Variants in GRID1 observed in about 807,000 individuals in gnomAD.
The protein encoded by GRID1 is glutamate ionotropic receptor delta type subunit 1.
A neutral mutation model predicts 98.0 loss-of-function variants in GRID1; 28 were observed. The observed-to-expected ratio is 0.29, with a 90% CI of 0.21 to 0.39. The LOEUF is 0.39. GRID1 is among the 10% of genes least tolerant of loss of function. GRID1 has a pLI of 1.00. For missense variants in GRID1, 1,111 were observed against 1,340.5 expected (o/e 0.83, Z 2.67); for synonymous variants, 553 against 538.5 (o/e 1.03, Z -0.37).
chr10:85,966,632 G>A (rs1258585533), intron 4 of GRID1, among the ~76,000 whole-genome samples: 1 of 152,054 alleles, frequency 6.6e-6, no homozygotes, highest in Non-Finnish European at 1.5e-5. Flanking sequence ...TGACCAACAA[G>A]GCAAAACCCT....
At position 86,059,220 on chromosome 10, in the gene GRID1, G is replaced by A. The variant is rs1379214429; in HGVS notation, c.726+79599C>T. Among the ~76,000 whole-genome samples the A allele has an allele frequency of 2.0e-5, 3 of 152,244 alleles. No individual in the cohort carries two copies. The East Asian group carries it at 5.8e-4, about 29-fold the overall frequency. ...CCACAAGCGTTCTGAGTCTCGCTGT[G>A]TGAGTGGATATCAAGAGGTCTTGCT... On this transcript the variant is annotated intron_variant, in intron 4 of 15. Transcript: ENST00000327946.
chr10:85,956,799 A>C (rs182814097), intron 4 of GRID1, among the ~76,000 whole-genome samples: 254 of 152,362 alleles, frequency 1.7e-3, no homozygotes, highest in African/African-American at 5.4e-3. Context: ...CTTTAGTGCA[A>C]GCAACAGAAA....
intron 4 of GRID1, among the ~76,000 whole-genome samples, chr10:85,980,883 A>G (rs573018706): frequency 6.6e-6 from 1 of 152,212 alleles, no homozygotes; most frequent in Non-Finnish European, 1.5e-5. Context: ...ATACATGAGA[A>G]CAATGAAGCC....
At chr10:85,639,226 T>C (rs964478594) in intron 13 of GRID1, among the ~76,000 whole-genome samples, 2 of 152,064 alleles carry the variant, frequency 1.3e-5, no homozygotes, top group Admixed American at 6.5e-5. Context: ...CAATAGAATA[T>C]CATTCCCACA....
chr10:85,658,709 A>G (rs1840930708), intron 12 of GRID1, among the ~76,000 whole-genome samples: 1 of 152,144 alleles, frequency 6.6e-6, no homozygotes, highest in African/African-American at 2.4e-5. Flanking sequence ...ACTGTGGGCA[A>G]AGAGGGAGGG....
chr10:85,811,888 C>A (rs1261221466), intron 8 of GRID1, among the ~76,000 whole-genome samples: 1 of 152,130 alleles, frequency 6.6e-6, no homozygotes, highest in African/African-American at 2.4e-5. Context: ...CAAACACATC[C>A]TCTCCCACGT....
intron 8 of GRID1, among the ~76,000 whole-genome samples, chr10:85,777,658 A>G (rs757420597): frequency 2.1e-4 from 32 of 152,320 alleles, no homozygotes; most frequent in South Asian, 4.1e-4. Context: ...GAAATTGCCA[A>G]TTTACTTGCT....
chr10:85,621,599 C>T (rs958337331), intron 13 of GRID1, among the ~76,000 whole-genome samples: 2 of 152,130 alleles, frequency 1.3e-5, no homozygotes, highest in Middle Eastern at 3.2e-3. Flanking sequence ...TTTTGCCCAA[C>T]GACCTTGTAA....
At position 85,952,638 on chromosome 10, in the gene GRID1, GA is replaced by G. The variant is rs550903894; in HGVS notation, c.727-36400del. Among the ~76,000 whole-genome samples, 551 of 152,034 alleles carry G rather than the reference GA, an allele frequency of 3.6e-3. 3 individuals carry two copies. The highest frequency in any genetic ancestry group is 5.8e-3 in the Non-Finnish European group (392 of 67,954). On this transcript the variant is annotated intron_variant, in intron 4 of 15. Transcript: ENST00000327946. ...CAAAGAAAGCCTTCTGCCACAAGAG[GA>G]AAAGAGAGAAAAAATAAAGAAAAAG...
chr10:85,668,467 G>A (rs1394976460), intron 12 of GRID1, among the ~76,000 whole-genome samples: 1 of 152,184 alleles, frequency 6.6e-6, no homozygotes, highest in Non-Finnish European at 1.5e-5. Context: ...TTAGTGTGTG[G>A]AGCCAAGAGA....
intron 2 of GRID1, among the ~76,000 whole-genome samples, chr10:86,294,234 T>A (rs758313107): frequency 6.6e-6 from 1 of 151,984 alleles, no homozygotes; most frequent in African/African-American, 2.4e-5. Flanking sequence ...GAGAACAGCA[T>A]AAGGTGGCCC....
chr10:85,672,107 A>G (rs537692872), intron 12 of GRID1, among the ~76,000 whole-genome samples: 1 of 152,364 alleles, frequency 6.6e-6, no homozygotes, highest in South Asian at 2.1e-4. Context: ...AGCTAAGATC[A>G]TTGATATAAG....
chr10:85,869,478 T>A (rs1277213769), intron 5 of GRID1, among the ~76,000 whole-genome samples: 1 of 152,178 alleles, frequency 6.6e-6, no homozygotes, highest in Non-Finnish European at 1.5e-5. Context: ...CCATAAAAGG[T>A]CATGGTAGAC....
intron 4 of GRID1, among the ~76,000 whole-genome samples, chr10:85,965,493 G>A (rs907647538): frequency 8.5e-5 from 13 of 152,150 alleles, no homozygotes; most frequent in African/African-American, 3.1e-4. Flanking sequence ...GCAGGGACAT[G>A]GATGACACTG....
intron 2 of GRID1, among the ~76,000 whole-genome samples, chr10:86,277,458 A>C (rs917582981): frequency 6.6e-6 from 1 of 152,190 alleles, no homozygotes; most frequent in African/African-American, 2.4e-5. Context: ...TTATAACTCT[A>C]CTTTTATTTT....
intron 3 of GRID1, among the ~76,000 whole-genome samples, chr10:86,183,699 G>A (rs963994920): frequency 6.6e-6 from 1 of 152,240 alleles, no homozygotes; most frequent in African/African-American, 2.4e-5. Flanking sequence ...GGACATTTTG[G>A]TTGTTTTCAG....
chr10:85,895,001 C>CAAAA (rs60119755), intron 5 of GRID1, among the ~76,000 whole-genome samples: 5 of 103,914 alleles, frequency 4.8e-5, no homozygotes, highest in African/African-American at 1.1e-4. Context: ...CTGGGACTCT[C>CAAAA]AAAAAAAAAA....
intron 2 of GRID1, among the ~76,000 whole-genome samples, chr10:86,353,244 G>A (rs142996798): frequency 6.6e-6 from 1 of 152,328 alleles, no homozygotes; most frequent in Non-Finnish European, 1.5e-5. Flanking sequence ...AGTCTCCTGT[G>A]GGTGCTGGGA....
intron 4 of GRID1, among the ~76,000 whole-genome samples, chr10:86,104,940 G>T (rs1844359096): frequency 6.6e-6 from 1 of 152,240 alleles, no homozygotes; most frequent in Non-Finnish European, 1.5e-5. Context: ...TGCAGCAGGT[G>T]ACAAGGCTGT....
Sources: gnomAD v4.1 joint callset for allele counts (sites outside exome capture counted in the v4.1 genomes callset) on GRCh38, gnomAD v4.1.1 for gene constraint, MANE v1.5 for transcripts, NCBI Gene and HGNC (gene_info 2026-07-23, HGNC 2026-07-21) for gene names.